The following ZNF670 variants were observed in gnomAD, a reference collection of about 807,000 sequenced individuals.
The protein encoded by ZNF670 is zinc finger protein 670.
ZNF670 carries 7 observed loss-of-function variants against 10.9 expected under a neutral mutation model. That is an observed-to-expected ratio of 0.64 (90% CI 0.36 to 1.20). The LOEUF (loss-of-function observed/expected upper bound fraction) is 1.20, where lower values mean the gene tolerates loss of function less well. ZNF670 is among the 50% of genes most tolerant of loss of function. The pLI is 0.02. For synonymous variants in ZNF670, 136 were observed against 152.7 expected (o/e 0.89, Z 0.81); for missense variants, 446 against 458.6 (o/e 0.97, Z 0.25).
intron 1 of ZNF670, among the ~76,000 whole-genome samples, chr1:247,061,867 T>C (rs1312651638): frequency 2.6e-5 from 4 of 152,112 alleles, no homozygotes; most frequent in African/African-American, 9.7e-5. Context: ...TATTAGGAGG[T>C]GGCATTTCTG....
chr1:247,041,808 CAT>C (rs1670317913), intron 1 of ZNF670, among the ~76,000 whole-genome samples: 2 of 152,170 alleles, frequency 1.3e-5, no homozygotes, highest in Non-Finnish European at 2.9e-5. Context: ...ATGTGTGAAA[CAT>C]ACTGACACAA....
At chr1:247,061,212 C>T (rs1016320385) in intron 1 of ZNF670, among the ~76,000 whole-genome samples, 34 of 147,856 alleles carry the variant, frequency 2.3e-4, no homozygotes, top group African/African-American at 8.1e-4. Context: ...GATGGAGTCT[C>T]GCTCTGTTGC....
Position 247,067,868 on chromosome 1 carries a change from C to A in ZNF670, c.3+10726G>T, listed in dbSNP as rs1191558861. Reference sequence around the variant, plus strand: ...AAAAAAAAAAAAAAAAAAAAAAAAGCTCCAGCACAGCAAAGGATACAATCA... The same window carrying A: ...AAAAAAAAAAAAAAAAAAAAAAAAGATCCAGCACAGCAAAGGATACAATCA... On this transcript the variant is annotated intron_variant, in intron 1 of 3. Transcript: ENST00000366503. 1.9e-3 allele frequency among the ~76,000 whole-genome samples: 197 copies of A among 106,398 alleles called. 1 individual carries two copies. Among genetic ancestry groups the A allele is most frequent in the African/African-American group, 6.5e-3 (187 of 28,824 alleles). The allele number at this position is 106,398 out of a possible 152,430, so 69.8% of individuals were successfully genotyped here.
intron 1 of ZNF670, among the ~76,000 whole-genome samples, chr1:247,057,625 A>T (rs1670750969): frequency 6.6e-6 from 1 of 152,240 alleles, no homozygotes; most frequent in Admixed American, 6.5e-5. Flanking sequence ...AATGTAGCAC[A>T]TATACAAAAT....
chr1:247,077,525 T>C (rs1264428693), intron 1 of ZNF670, among the ~76,000 whole-genome samples: 2 of 152,130 alleles, frequency 1.3e-5, no homozygotes, highest in East Asian at 1.9e-4. Context: ...CAATTAACTG[T>C]CAGGTGATTA....
Position 247,065,589 on chromosome 1 carries a change from A to G in ZNF670, c.3+13005T>C, listed in dbSNP as rs187906481. On this transcript the variant is annotated intron_variant, in intron 1 of 3. Transcript: ENST00000366503. ...TTGCAGTCTTTACAAATAAAGTGGAATAGCGTGCAGAGTATGTTTAAAGGG... is the reference window on the plus strand; with the variant it reads ...TTGCAGTCTTTACAAATAAAGTGGAGTAGCGTGCAGAGTATGTTTAAAGGG... 2.4e-3 allele frequency among the ~76,000 whole-genome samples: 364 copies of G among 152,354 alleles called. 1 individual carries two copies. The highest frequency in any genetic ancestry group is 3.8e-3 in the Admixed American group (58 of 15,308).
At chr1:247,058,633 G>A (rs1035564951) in intron 1 of ZNF670, among the ~76,000 whole-genome samples, 1 of 150,296 alleles carries the variant, frequency 6.7e-6, no homozygotes, top group Non-Finnish European at 1.5e-5. Context: ...GACCAAACAA[G>A]GGAGAAAGAC....
At chr1:247,078,056 G>C (rs1242234370) in intron 1 of ZNF670, among the ~76,000 whole-genome samples, 1 of 152,104 alleles carries the variant, frequency 6.6e-6, no homozygotes, top group East Asian at 1.9e-4. Context: ...GTCTATATGG[G>C]GTGACTACAT....
intron 1 of ZNF670, among the ~76,000 whole-genome samples, chr1:247,070,259 C>T (rs1671084077): frequency 6.6e-6 from 1 of 152,110 alleles, no homozygotes; most frequent in Admixed American, 6.6e-5. Context: ...ATCACGAGGT[C>T]AGGAGATCAA....
chr1:247,043,600 C>T (rs774216911), intron 1 of ZNF670: 5 of 605,282 alleles, frequency 8.3e-6, no homozygotes, highest in Middle Eastern at 3.1e-4. Flanking sequence ...ATTGGGAGCA[C>T]CAGCAGATGT....
chr1:247,067,970 C>T lies in ZNF670; in HGVS notation c.3+10624G>A, dbSNP rs1342790415. ...GCATCTGAACAGGGATTAATAACCA[C>T]AATATATAAGAAGCTCAAACAACTC... On this transcript the variant is annotated intron_variant, in intron 1 of 3. Transcript: ENST00000366503. Among the ~76,000 whole-genome samples the T allele has an allele frequency of 1.3e-5, 2 of 148,994 alleles. 1 individual carries two copies. The highest frequency in any genetic ancestry group is 5.0e-5 in the African/African-American group (2 of 39,608).
Position 247,039,006 on chromosome 1 carries a change from A to G in ZNF670, c.131-136T>C, listed in dbSNP as rs932086356. Reference sequence around the variant, plus strand: ...CCCTTTCCACATGCCAAATCAGGAAACATTCATAACCAAGAAACACTTGTT... The same window carrying G: ...CCCTTTCCACATGCCAAATCAGGAAGCATTCATAACCAAGAAACACTTGTT... On this transcript the variant is annotated intron_variant, in intron 2 of 3. Coordinates refer to ENST00000366503, the MANE Select transcript of ZNF670 (RefSeq NM_033213.5). The G allele has an allele frequency of 3.8e-5, 20 of 522,402 alleles. 1 individual carries two copies. The highest frequency in any genetic ancestry group is 1.9e-4 in the East Asian group (6 of 31,370). 32.4% of individuals were successfully genotyped at this position (522,402 alleles called of 1,614,324 possible). A position where few individuals can be genotyped will look rare whatever the true frequency, so the allele number is the denominator to read the frequency against.
intron 1 of ZNF670, among the ~76,000 whole-genome samples, chr1:247,063,054 T>C (rs1670894611): frequency 6.6e-6 from 1 of 152,190 alleles, no homozygotes; most frequent in Non-Finnish European, 1.5e-5. Flanking sequence ...TTAGGTAAAA[T>C]AAAAGGAGGA....
intron 1 of ZNF670, among the ~76,000 whole-genome samples, chr1:247,054,396 C>T (rs528912590): frequency 6.6e-6 from 1 of 152,312 alleles, no homozygotes; most frequent in South Asian, 2.1e-4. Flanking sequence ...AAAAGGGAAC[C>T]CCCTTCCACC....
chr1:247,038,935 T>C (rs1670235244), intron 2 of ZNF670, 65 bp from the exon 3 acceptor site: 1 of 1,335,150 alleles, frequency 7.5e-7, no homozygotes, highest in South Asian at 1.2e-5. Context: ...AGATTCAAGG[T>C]TCACTATACA....
intron 1 of ZNF670, among the ~76,000 whole-genome samples, chr1:247,061,435 TG>T (rs143092429): frequency 0.027 from 4,083 of 152,208 alleles, 188 homozygotes; most frequent in African/African-American, 0.091. Context: ...CCCAAAATGC[TG>T]GGATTACAGG....
intron 1 of ZNF670, among the ~76,000 whole-genome samples, chr1:247,076,645 T>C (rs1223869975): frequency 6.7e-6 from 1 of 149,064 alleles, no homozygotes; most frequent in Non-Finnish European, 1.5e-5. Context: ...TGCAATACTT[T>C]AGAATAAACT....
chr1:247,060,857 T>C (rs1572567051), intron 1 of ZNF670, among the ~76,000 whole-genome samples: 1 of 152,258 alleles, frequency 6.6e-6, no homozygotes, highest in East Asian at 1.9e-4. Context: ...AATGGGATAA[T>C]TTGGCCTTGA....
intron 1 of ZNF670, chr1:247,043,281 G>A: frequency 1.6e-6 from 1 of 643,010 alleles, no homozygotes; most frequent in African/African-American, 1.8e-5. Flanking sequence ...AAGGAGGGGT[G>A]TACATTGTTT....
Sources: allele counts gnomAD v4.1 joint callset (sites outside exome capture counted in the v4.1 genomes callset), GRCh38; gene constraint gnomAD v4.1.1; transcripts MANE v1.5; gene names NCBI Gene and HGNC (gene_info 2026-07-23, HGNC 2026-07-21).